Variants in ZNRF1 observed in about 807,000 individuals in gnomAD.
ZNRF1 encodes the protein E3 ubiquitin-protein ligase ZNRF1.
In ZNRF1, 3 loss-of-function variants were observed where a neutral mutation model predicts 18.4. The observed-to-expected ratio is 0.16, with a 90% CI of 0.07 to 0.42. ZNRF1 has a LOEUF of 0.42. ZNRF1 is among the 10% of genes least tolerant of loss of function. ZNRF1 has a pLI of 0.99. For missense variants in ZNRF1, 310 were observed against 329.8 expected (o/e 0.94, Z 0.47); for synonymous variants, 157 against 144.2 (o/e 1.09, Z -0.64).
intron 1 of ZNRF1, among the ~76,000 whole-genome samples, chr16:75,060,003 AAACCC>A (rs2035721914): frequency 6.6e-6 from 1 of 152,164 alleles, no homozygotes; most frequent in East Asian, 1.9e-4. Flanking sequence ...TCAGTTGTAG[AAACCC>A]AGGAGCACTT....
chr16:75,027,340 A>C (rs926553645), intron 1 of ZNRF1, among the ~76,000 whole-genome samples: 1 of 152,196 alleles, frequency 6.6e-6, no homozygotes, highest in African/African-American at 2.4e-5. Flanking sequence ...TTAAATTGCA[A>C]TCAGTTTGGC....
chr16:75,034,167 A>T (rs1366393886), intron 1 of ZNRF1, among the ~76,000 whole-genome samples: 1 of 152,164 alleles, frequency 6.6e-6, no homozygotes, highest in South Asian at 2.1e-4. Flanking sequence ...AAAAACAAAA[A>T]CAAAAAATTA....
intron 1 of ZNRF1, among the ~76,000 whole-genome samples, chr16:75,009,623 C>A (rs2034968431): frequency 6.6e-6 from 1 of 152,070 alleles, no homozygotes; most frequent in Admixed American, 6.6e-5. Context: ...TCTTCAAGAC[C>A]CTGCTTTCAC....
Position 75,009,347 on chromosome 16 carries a change from TTCTAAG to T in ZNRF1, c.424+9254_424+9259del, listed in dbSNP as rs1164863902. Among the ~76,000 whole-genome samples, 10 of 152,360 alleles carry T rather than the reference TTCTAAG, an allele frequency of 6.6e-5. No individual in the cohort carries two copies. In the East Asian group the frequency reaches 1.3e-3, roughly 21 times the overall value. On this transcript the variant is annotated intron_variant, in intron 1 of 4. Coordinates refer to ENST00000335325, the MANE Select transcript of ZNRF1 (RefSeq NM_032268.5). ...TTTTTAAGTGTACAGTTCAGTGGTA[TTCTAAG>T]TACTGCATGTAAGTGGACTCGTACA...
At chr16:75,084,756 C>T (rs952677814) in intron 1 of ZNRF1, 1 of 152,324 alleles carries the variant, frequency 6.6e-6, no homozygotes, top group Non-Finnish European at 1.5e-5. Flanking sequence ...GGGCTCTGCT[C>T]ACCTGTCACC....
intron 1 of ZNRF1, among the ~76,000 whole-genome samples, chr16:75,010,712 TTTTTTTG>T (rs201815640): frequency 0.21 from 9,121 of 43,536 alleles, 584 homozygotes; most frequent in East Asian, 0.52. Flanking sequence ...TTTTTTTTTG[TTTTTTTG>T]TTTTTTTTTT....
At chr16:75,058,186 T>C (rs1264204781) in intron 1 of ZNRF1, among the ~76,000 whole-genome samples, 1 of 151,782 alleles carries the variant, frequency 6.6e-6, no homozygotes, top group Non-Finnish European at 1.5e-5. Context: ...TTGTCCAGGC[T>C]GATCTCGAAC....
At chr16:75,054,212 G>C (rs150180894) in intron 1 of ZNRF1, among the ~76,000 whole-genome samples, 113 of 152,312 alleles carry the variant, frequency 7.4e-4, no homozygotes, top group Middle Eastern at 6.8e-3. Context: ...TTTCAGAGTG[G>C]GAAGGACCTT....
intron 1 of ZNRF1, among the ~76,000 whole-genome samples, chr16:75,054,671 T>C (rs1157232646): frequency 6.6e-6 from 1 of 152,240 alleles, no homozygotes; most frequent in Non-Finnish European, 1.5e-5. Context: ...ACTGGCACTT[T>C]GTTCTCCCCT....
At chr16:75,071,672 T>G (rs1174390250) in intron 1 of ZNRF1, among the ~76,000 whole-genome samples, 1 of 152,166 alleles carries the variant, frequency 6.6e-6, no homozygotes, top group African/African-American at 2.4e-5. Context: ...CAGTGCTTGA[T>G]GAAGGGTGGC....
At chr16:75,049,872 G>GTGTGA (rs2035569440) in intron 1 of ZNRF1, among the ~76,000 whole-genome samples, 1 of 60,156 alleles carries the variant, frequency 1.7e-5, no homozygotes, top group African/African-American at 5.8e-5. Flanking sequence ...TGTGTGTGTG[G>GTGTGA]TTTAGTGCAG....
intron 1 of ZNRF1, among the ~76,000 whole-genome samples, chr16:75,042,992 A>C (rs1228470167): frequency 6.6e-6 from 1 of 152,164 alleles, no homozygotes; most frequent in East Asian, 1.9e-4. Flanking sequence ...ATGACCCTTG[A>C]GTGCTTCCCT....
chr16:75,061,675 T>G (rs972984080), intron 1 of ZNRF1, among the ~76,000 whole-genome samples: 10 of 152,224 alleles, frequency 6.6e-5, no homozygotes, highest in African/African-American at 2.4e-4. Flanking sequence ...TTTTGTGATT[T>G]GATTTTGCAT....
chr16:75,029,457 T>G (rs561960111), intron 1 of ZNRF1, among the ~76,000 whole-genome samples: 2 of 152,218 alleles, frequency 1.3e-5, no homozygotes, highest in South Asian at 4.1e-4. Context: ...TGACCTTTTC[T>G]TAAAAAACAA....
chr16:75,076,472 C>T (rs376196664), intron 1 of ZNRF1, among the ~76,000 whole-genome samples: 2 of 152,096 alleles, frequency 1.3e-5, no homozygotes, highest in East Asian at 2.0e-4. Flanking sequence ...AATGGGTCAT[C>T]CCTTCACTGA....
intron 1 of ZNRF1, among the ~76,000 whole-genome samples, chr16:75,033,437 GTTT>G (rs55813752): frequency 1.8e-3 from 181 of 98,120 alleles, no homozygotes; most frequent in Admixed American, 4.5e-3. Context: ...GTGTTTTATA[GTTT>G]TTTTTTTTTT....
At chr16:75,049,826 C>G (rs2035567867) in intron 1 of ZNRF1, among the ~76,000 whole-genome samples, 2 of 139,514 alleles carry the variant, frequency 1.4e-5, no homozygotes. Flanking sequence ...CAGATCTCAT[C>G]ACTTTCACAT....
chr16:75,026,042 A>G (rs1218042683), intron 1 of ZNRF1, among the ~76,000 whole-genome samples: 5 of 152,206 alleles, frequency 3.3e-5, no homozygotes, highest in Non-Finnish European at 7.3e-5. Context: ...AGGATCCCAC[A>G]GAGGGGTCTT....
chr16:75,068,725 T>G (rs1462141414), intron 1 of ZNRF1, among the ~76,000 whole-genome samples: 1 of 151,870 alleles, frequency 6.6e-6, no homozygotes, highest in African/African-American at 2.4e-5. Flanking sequence ...AACAAGCTCC[T>G]CACCACTTCT....
Sources: gnomAD v4.1 joint callset for allele counts (sites outside exome capture counted in the v4.1 genomes callset) on GRCh38, gnomAD v4.1.1 for gene constraint, MANE v1.5 for transcripts, NCBI Gene and HGNC (gene_info 2026-07-23, HGNC 2026-07-21) for gene names.